SDK1: variants seen among roughly 807,000 people sequenced by gnomAD.
SDK1 encodes protein sidekick-1.
A neutral mutation model predicts 245.5 loss-of-function variants in SDK1; 157 were observed. That is an observed-to-expected ratio of 0.64 (90% confidence interval 0.56 to 0.73). The LOEUF (loss-of-function observed/expected upper bound fraction) is 0.73, where lower values mean the gene tolerates loss of function less well. Among genes scored for constraint, SDK1 ranks in the 30% least tolerant of loss-of-function variants. The pLI, the probability that SDK1 is intolerant of heterozygous loss-of-function variation, is 0.00. For synonymous variants in SDK1, 1,647 were observed against 1,278.5 expected, an observed-to-expected ratio of 1.29 and a Z score of -6.15; for missense variants, 3,583 against 3,002.3, an observed-to-expected ratio of 1.19 and a Z score of -4.52.
intron 4 of SDK1, among the ~76,000 whole-genome samples, chr7:3,773,956 T>C (rs147452828): frequency 0.013 from 2,053 of 152,280 alleles, 57 homozygotes; most frequent in African/African-American, 0.047. Flanking sequence ...GGCTCATGCC[T>C]GTAATCCCAG....
rs1779243230 is a variant in SDK1, at chr7:3,301,291, GC to G, written c.-295del. ...GCGCCGGGCGGGGGCGGCGGCGGCG[GC>G]GGCTCCTCCGCGCCCGGCGGACCCC... On this transcript the variant is annotated 5_prime_UTR_variant, in exon 1 of 45. Transcript: ENST00000404826. 1.4e-5 allele frequency among the ~76,000 whole-genome samples: 2 copies of G among 146,790 alleles called. No homozygotes were observed. Among genetic ancestry groups the G allele is most frequent in the African/African-American group, 4.9e-5 (2 of 40,686 alleles).
chr7:3,655,140 A>T (rs1431670851), intron 4 of SDK1, among the ~76,000 whole-genome samples: 1 of 151,594 alleles, frequency 6.6e-6, no homozygotes, highest in Non-Finnish European at 1.5e-5. Flanking sequence ...TGCATATAAT[A>T]GTATGTACTA....
At chr7:3,456,486 C>T (rs1023384517) in intron 1 of SDK1, among the ~76,000 whole-genome samples, 2 of 152,188 alleles carry the variant, frequency 1.3e-5, no homozygotes, top group South Asian at 2.1e-4. Context: ...TTGTTATCTG[C>T]ATTCTCTTAT....
intron 1 of SDK1, among the ~76,000 whole-genome samples, chr7:3,537,766 G>A (rs554162332): frequency 1.3e-5 from 2 of 152,182 alleles, no homozygotes; most frequent in Non-Finnish European, 2.9e-5. Context: ...CCCTTGAGCT[G>A]GTCAGGTTCC....
chr7:3,304,820 C>T (rs1347049379), intron 1 of SDK1, among the ~76,000 whole-genome samples: 2 of 152,216 alleles, frequency 1.3e-5, no homozygotes, highest in Admixed American at 6.5e-5. Context: ...CTTGGTTGCA[C>T]ATTGGAATCA....
intron 4 of SDK1, among the ~76,000 whole-genome samples, chr7:3,682,468 G>C (rs938507065): frequency 6.6e-6 from 1 of 152,290 alleles, no homozygotes; most frequent in Admixed American, 6.5e-5. Flanking sequence ...AAAGCTAATG[G>C]CAGCGTTCCC....
At chr7:3,629,727 A>T (rs1038511453) in intron 2 of SDK1, among the ~76,000 whole-genome samples, 1 of 152,236 alleles carries the variant, frequency 6.6e-6, no homozygotes, top group Non-Finnish European at 1.5e-5. Flanking sequence ...AGGAATGCAA[A>T]AATTTCCAGT....
intron 5 of SDK1, among the ~76,000 whole-genome samples, chr7:3,915,697 A>G (rs1427508390): frequency 6.6e-6 from 1 of 152,138 alleles, no homozygotes; most frequent in Non-Finnish European, 1.5e-5. Flanking sequence ...TACACTAACC[A>G]AGCACCCTCT....
rs886171567 is a variant in SDK1, at chr7:4,268,361, G to T, written c.*2977G>T. On this transcript the variant is annotated 3_prime_UTR_variant, in exon 45 of 45. Transcript: ENST00000404826. ...GAGAGCTGCCAGGCCACACCCCCTC[G>T]GCCTCCTGCACGGCCACCTTCTGGG... The T allele has an allele frequency of 3.8e-6, 4 of 1,052,318 alleles. No individual in the cohort carries two copies. In the Admixed American group the frequency reaches 2.0e-4, roughly 52 times the overall value. The allele number at this position is 1,052,318 out of a possible 1,614,324, so 65.2% of individuals were successfully genotyped here.
intron 4 of SDK1, among the ~76,000 whole-genome samples, chr7:3,687,664 A>C (rs1035428287): frequency 6.6e-6 from 1 of 152,194 alleles, no homozygotes; most frequent in Non-Finnish European, 1.5e-5. Flanking sequence ...GCATTGTGGG[A>C]ATGACAGAAT....
intron 5 of SDK1, among the ~76,000 whole-genome samples, chr7:3,922,242 C>T (rs368254964): frequency 1.3e-5 from 2 of 152,158 alleles, no homozygotes; most frequent in Non-Finnish European, 2.9e-5. Context: ...CAGCTAAGCT[C>T]GGGCAGCCAT....
chr7:3,507,377 C>T (rs1383812278), intron 1 of SDK1, among the ~76,000 whole-genome samples: 1 of 152,182 alleles, frequency 6.6e-6, no homozygotes, highest in Non-Finnish European at 1.5e-5. Flanking sequence ...TTGCTCTGAT[C>T]TCTGTGTTGT....
chr7:3,772,213 A>C (rs761736874), intron 4 of SDK1, among the ~76,000 whole-genome samples: 85 of 149,772 alleles, frequency 5.7e-4, no homozygotes, highest in Middle Eastern at 3.4e-3. Flanking sequence ...TTTTGTGTTT[A>C]GTTGATTTTG....
chr7:4,030,669 T>G (rs2128158278), intron 17 of SDK1, among the ~76,000 whole-genome samples: 1 of 152,326 alleles, frequency 6.6e-6, no homozygotes, highest in Middle Eastern at 3.4e-3. Flanking sequence ...TTCAGGTGAT[T>G]TTAATTTCAT....
At chr7:3,831,000 T>C (rs962112402) in intron 5 of SDK1, among the ~76,000 whole-genome samples, 2 of 152,222 alleles carry the variant, frequency 1.3e-5, no homozygotes, top group African/African-American at 4.8e-5. Flanking sequence ...TCACTCTAGA[T>C]GTATAGTCAT....
intron 1 of SDK1, among the ~76,000 whole-genome samples, chr7:3,571,934 C>G (rs567504534): frequency 6.6e-6 from 1 of 152,182 alleles, no homozygotes; most frequent in Non-Finnish European, 1.5e-5. Flanking sequence ...TCCATCCCAT[C>G]CCATCCCTTC....
chr7:3,658,882 T>G (rs778726856), intron 4 of SDK1, among the ~76,000 whole-genome samples: 8 of 152,164 alleles, frequency 5.3e-5, no homozygotes, highest in Non-Finnish European at 1.2e-4. Context: ...CCTCTCAAAG[T>G]GCTGGGATTA....
intron 5 of SDK1, among the ~76,000 whole-genome samples, chr7:3,895,488 C>T (rs1781579563): frequency 6.6e-6 from 1 of 152,106 alleles, no homozygotes; most frequent in African/African-American, 2.4e-5. Context: ...CACATTTGAC[C>T]ACTATCCCTT....
intron 17 of SDK1, among the ~76,000 whole-genome samples, chr7:4,038,951 C>G (rs1212401444): frequency 6.6e-6 from 1 of 152,162 alleles, no homozygotes; most frequent in Non-Finnish European, 1.5e-5. Flanking sequence ...AAATGCAAAT[C>G]TGAATTTGAG....
Sources: allele counts gnomAD v4.1 joint callset (sites outside exome capture counted in the v4.1 genomes callset), GRCh38; gene constraint gnomAD v4.1.1; transcripts MANE v1.5; gene names NCBI Gene and HGNC (gene_info 2026-07-23, HGNC 2026-07-21).